TNFAIP8: variants seen among roughly 807,000 people sequenced by gnomAD.
The protein encoded by TNFAIP8 is tumor necrosis factor alpha-induced protein 8.
TNFAIP8 carries 7 observed loss-of-function variants against 13.3 expected under a neutral mutation model. The ratio of observed to expected loss-of-function variants is 0.52; its 90% CI spans 0.30 to 0.99. The LOEUF (loss-of-function observed/expected upper bound fraction) is 0.99. TNFAIP8 is among the 50% of genes least tolerant of loss of function. The pLI is 0.07. For synonymous variants in TNFAIP8, 94 were observed against 87.6 expected (o/e 1.07, Z -0.41); for missense variants, 258 against 236.9 (o/e 1.09, Z -0.58).
chr5:119,380,088 C>A (rs1048056208), intron 1 of TNFAIP8, among the ~76,000 whole-genome samples: 1 of 152,224 alleles, frequency 6.6e-6, no homozygotes, highest in Non-Finnish European at 1.5e-5. Context: ...CTCAGCTCTG[C>A]CACTGTTTAT....
At chr5:119,305,898 A>T (rs1050160178) in intron 1 of TNFAIP8, among the ~76,000 whole-genome samples, 1 of 152,176 alleles carries the variant, frequency 6.6e-6, no homozygotes, top group African/African-American at 2.4e-5. Flanking sequence ...CCATCCTCTG[A>T]GGGCTCTTGA....
intron 1 of TNFAIP8, among the ~76,000 whole-genome samples, chr5:119,289,259 G>T (rs187385041): frequency 2.1e-4 from 32 of 152,180 alleles, no homozygotes; most frequent in African/African-American, 7.7e-4. Flanking sequence ...TCTTTGTGTG[G>T]TATCTGTGGT....
At chr5:119,282,923 G>A (rs1345048758) in intron 1 of TNFAIP8, among the ~76,000 whole-genome samples, 2 of 152,214 alleles carry the variant, frequency 1.3e-5, no homozygotes, top group African/African-American at 2.4e-5. Flanking sequence ...CTTATACACT[G>A]TGTTCAGCTT....
Position 119,275,777 on chromosome 5 carries a change from G to A in TNFAIP8, c.1+6870G>A, listed in dbSNP as rs188588146. On this transcript the variant is annotated intron_variant, in intron 1 of 1. Coordinates refer to the TNFAIP8 transcript ENST00000274456. ...ATGGAAATTAGAATAATAAAGGTTT[G>A]CTACTGATCATAACATAGTATTAAT... 2.7e-3 allele frequency among the ~76,000 whole-genome samples: 404 copies of A among 152,194 alleles called. 1 individual carries two copies. Among genetic ancestry groups the A allele is most frequent in the Middle Eastern group, 6.8e-3 (2 of 294 alleles).
chr5:119,332,894 AAACCTTATAT>A (rs1750428197), intron 1 of TNFAIP8, among the ~76,000 whole-genome samples: 1 of 152,188 alleles, frequency 6.6e-6, no homozygotes, highest in Non-Finnish European at 1.5e-5. Flanking sequence ...TTCATTATGA[AAACCTTATAT>A]ACTCTTCCAA....
intron 1 of TNFAIP8, among the ~76,000 whole-genome samples, chr5:119,361,900 T>G (rs1580421344): frequency 6.6e-6 from 1 of 152,224 alleles, no homozygotes; most frequent in East Asian, 1.9e-4. Flanking sequence ...CTGCCTTCTT[T>G]GAGCCTCAGA....
At chr5:119,353,012 C>T (rs1301405538), upstream of TNFAIP8, among the ~76,000 whole-genome samples, 1 of 152,136 alleles carries the variant, frequency 6.6e-6, no homozygotes, top group Non-Finnish European at 1.5e-5. Flanking sequence ...GGTGGGAGTT[C>T]CATTATTAGA....
At chr5:119,365,690 T>C (rs180993066) in intron 1 of TNFAIP8, among the ~76,000 whole-genome samples, 1 of 152,346 alleles carries the variant, frequency 6.6e-6, no homozygotes, top group East Asian at 1.9e-4. Context: ...AGTGTTCTTA[T>C]TATTAAGCAC....
At chr5:119,308,220 T>A (rs1031277844) in intron 1 of TNFAIP8, among the ~76,000 whole-genome samples, 4 of 152,142 alleles carry the variant, frequency 2.6e-5, no homozygotes, top group African/African-American at 9.7e-5. Context: ...ATGACAGCAT[T>A]CCCTCTTTCC....
upstream of TNFAIP8, among the ~76,000 whole-genome samples, chr5:119,352,084 G>A (rs184631376): frequency 4.6e-5 from 7 of 152,232 alleles, no homozygotes; most frequent in East Asian, 9.6e-4. Flanking sequence ...CACTGTGCCC[G>A]GCCATAAATA....
upstream of TNFAIP8, chr5:119,354,587 TC>T (rs1485749178): frequency 2.0e-5 from 3 of 152,248 alleles, no homozygotes; most frequent in African/African-American, 7.2e-5. Context: ...ATGGTAATAA[TC>T]TATGTAGTCC....
chr5:119,321,822 A>G (rs1047134042), intron 1 of TNFAIP8, among the ~76,000 whole-genome samples: 2 of 151,396 alleles, frequency 1.3e-5, no homozygotes, highest in Admixed American at 6.6e-5. Context: ...CCTTGCTCCA[A>G]CCCCCCACGG....
upstream of TNFAIP8, chr5:119,355,310 C>G: frequency 5.7e-6 from 4 of 701,750 alleles, no homozygotes; most frequent in Non-Finnish European, 7.8e-6. Flanking sequence ...GCAATGAGTG[C>G]CCGGGCTGTG....
intron 1 of TNFAIP8, among the ~76,000 whole-genome samples, chr5:119,356,904 G>T (rs906194123): frequency 2.0e-5 from 3 of 152,142 alleles, no homozygotes; most frequent in African/African-American, 4.8e-5. Context: ...TCTTGTAAGT[G>T]GGGGGTGGGA....
rs191937115 is a variant in TNFAIP8 at position 119,275,832 on chromosome 5, C to T, written c.1+6925C>T. ...GTAGATTGACAGCTTTTTTTTTCCC[C>T]TCTAGATTTAAATATTTGAACAGAG... On this transcript the variant is annotated intron_variant, in intron 1 of 1. Coordinates refer to the TNFAIP8 transcript ENST00000274456. Among the ~76,000 whole-genome samples the T allele has an allele frequency of 1.6e-3, 244 of 151,622 alleles. 1 individual carries two copies. The highest frequency in any genetic ancestry group is 5.7e-3 in the African/African-American group (237 of 41,334).
chr5:119,305,706 T>C (rs1749529158), intron 1 of TNFAIP8, among the ~76,000 whole-genome samples: 1 of 152,214 alleles, frequency 6.6e-6, no homozygotes, highest in African/African-American at 2.4e-5. Flanking sequence ...TTTCTAGACC[T>C]CGCTTTATAA....
At position 119,395,219 on chromosome 5, in the gene TNFAIP8, G is replaced by T. The variant is rs1420475653; in HGVS notation, c.*1838G>T. The T allele has an allele frequency of 1.3e-5, 2 of 152,208 alleles. No individual in the cohort carries two copies. Among genetic ancestry groups the T allele is most frequent in the Non-Finnish European group, 2.9e-5 (2 of 68,032 alleles). 9.4% of individuals were successfully genotyped at this position (152,208 alleles called of 1,614,324 possible). ...CTGTAACAATAACACAGTGACTACA[G>T]AAATGACCCTTCTAGCTTCATAACT... is the stretch of plus-strand genomic sequence containing the variant. On this transcript the variant is annotated 3_prime_UTR_variant, in exon 2 of 2. Coordinates refer to ENST00000504771, the MANE Select transcript of TNFAIP8 (RefSeq NM_014350.4).
At chr5:119,317,188 G>A (rs75930637) in intron 1 of TNFAIP8, among the ~76,000 whole-genome samples, 3,431 of 152,230 alleles carry the variant, frequency 0.023, 147 homozygotes, top group African/African-American at 0.079. Flanking sequence ...TCCTGGTTCC[G>A]ATTTCTTGGG....
intron 1 of TNFAIP8, among the ~76,000 whole-genome samples, chr5:119,297,935 CT>C (rs1188905734): frequency 6.6e-6 from 1 of 151,926 alleles, no homozygotes; most frequent in African/African-American, 2.4e-5. Flanking sequence ...CAACCCCTGC[CT>C]TTTTTTGTTT....
Sources: gnomAD v4.1 joint callset for allele counts (sites outside exome capture counted in the v4.1 genomes callset) on GRCh38, gnomAD v4.1.1 for gene constraint, MANE v1.5 for transcripts, NCBI Gene and HGNC (gene_info 2026-07-23, HGNC 2026-07-21) for gene names.